Variants in LIPG observed in about 807,000 individuals in gnomAD.
LIPG encodes endothelial lipase.
Under a neutral mutation model 51.8 loss-of-function variants are expected in LIPG, and 34 were observed. That is an observed-to-expected ratio of 0.66 (90% CI 0.50 to 0.87). The LOEUF (loss-of-function observed/expected upper bound fraction) is 0.87. LIPG is among the 40% of genes least tolerant of loss of function. LIPG has a pLI of 0.00. For synonymous variants in LIPG, 246 were observed against 246.1 expected, an observed-to-expected ratio of 1.00 and a Z score of 0.00; for missense variants, 580 against 652.7, an observed-to-expected ratio of 0.89 and a Z score of 1.21.
rs777778928 is a variant in LIPG at position 49,593,553 on chromosome 18, G to T, written c.*3031G>T. On this transcript the variant is annotated 3_prime_UTR_variant, in exon 10 of 10. Coordinates refer to ENST00000261292, the MANE Select transcript of LIPG (RefSeq NM_006033.4). ...CAGTGACTTAGACCAGAGGGAAGCT[G>T]ATTTCTCTATTGGTTAAAGTCCCAG... 6.6e-6 allele frequency: 1 copy of T among 151,236 alleles called. No homozygotes were observed. The highest frequency in any genetic ancestry group is 1.5e-5 in the Non-Finnish European group (1 of 67,798). 9.4% of individuals were successfully genotyped at this position (151,236 alleles called of 1,614,324 possible).
At chr18:49,581,256 C>T (rs769310026) in intron 5 of LIPG, among the ~76,000 whole-genome samples, 159 bp from the exon 6 acceptor site, 11 of 152,134 alleles carry the variant, frequency 7.2e-5, no homozygotes, top group Admixed American at 4.6e-4. Flanking sequence ...AAGAGTGAGA[C>T]CTTGTCTCAA....
At chr18:49,575,925 A>G (rs1235554327) in intron 5 of LIPG, among the ~76,000 whole-genome samples, 2 of 145,494 alleles carry the variant, frequency 1.4e-5, no homozygotes, top group African/African-American at 2.6e-5. Context: ...TGCAACCTCC[A>G]CCTCCCTGGT....
At position 49,585,147 on chromosome 18, in the gene LIPG, C is replaced by T. The variant is rs576164681; in HGVS notation, c.1376+1373C>T. ...CACAATCTTGGCTCACTGCAAACTC[C>T]GCCTCCCGGATTCAAGTGATTCTCC... is the stretch of plus-strand genomic sequence containing the variant. On this transcript the variant is annotated intron_variant, in intron 8 of 9. Transcript: ENST00000261292. Among the ~76,000 whole-genome samples the T allele has an allele frequency of 1.1e-4, 16 of 152,296 alleles. No homozygotes were observed. In the South Asian group the frequency reaches 1.7e-3, roughly 16 times the overall value.
intron 4 of LIPG, among the ~76,000 whole-genome samples, chr18:49,571,904 A>G (rs2084668199): frequency 6.6e-6 from 1 of 152,192 alleles, no homozygotes; most frequent in Non-Finnish European, 1.5e-5. Context: ...GAAAGAGGTC[A>G]TATATTTATA....
chr18:49,589,488 G>A (rs1377482877), intron 9 of LIPG: 1 of 152,296 alleles, frequency 6.6e-6, no homozygotes, highest in East Asian at 1.9e-4. Flanking sequence ...TTGAGACAGG[G>A]TCTTGCTCTG....
In LIPG at chr18:49,583,585, A is replaced by G. The variant is rs77960347; in HGVS notation, c.1187A>G (p.Asn396Ser). Residue 396 changes from asparagine to serine, a missense_variant, in exon 8 of 10, where the codon AAC becomes AGC. Asn to Ser is a conservative substitution (Grantham distance 46). Transcript: ENST00000261292. ...IVERIEQNAT[N>S]TFLVYTEEDL... Reference sequence around the variant, plus strand: ...GAGCGGATCGAGCAGAATGCCACCAACACCTTCCTGGTCTACACCGAGGAG... The same window carrying G: ...GAGCGGATCGAGCAGAATGCCACCAGCACCTTCCTGGTCTACACCGAGGAG... 0.011 allele frequency: 18,187 copies of G among 1,614,042 alleles called. 127 individuals carry two copies. Among genetic ancestry groups the G allele is most frequent in the Middle Eastern group, 0.017 (102 of 6,060 alleles).
intron 5 of LIPG, 128 bp downstream of exon 5, chr18:49,575,718 A>C: frequency 1.4e-5 from 11 of 779,098 alleles, no homozygotes; most frequent in Non-Finnish European, 2.2e-5. Flanking sequence ...GAGGCCTCCA[A>C]TGCTGTATTT....
chr18:49,569,601 T>C lies in LIPG; in HGVS notation c.571+53T>C, dbSNP rs548360544. On this transcript the variant is annotated intron_variant, in intron 4 of 9. Coordinates refer to ENST00000261292, the MANE Select transcript of LIPG (RefSeq NM_006033.4). ...CTCCCTCAGCTGCGCTAAGCCGGAATGCTCCCAAATGAGGCAGCAGAGTGA... is the reference window on the plus strand; with the variant it reads ...CTCCCTCAGCTGCGCTAAGCCGGAACGCTCCCAAATGAGGCAGCAGAGTGA... The C allele has an allele frequency of 1.0e-3, 1,409 of 1,372,684 alleles. 1 individual carries two copies. Among genetic ancestry groups the C allele is most frequent in the South Asian group, 1.5e-3 (125 of 83,902 alleles). 85.0% of individuals were successfully genotyped at this position (1,372,684 alleles called of 1,614,324 possible). A position where few individuals can be genotyped will look rare whatever the true frequency, so the allele number is the denominator to read the frequency against.
rs1248189762 is a variant in LIPG, at chr18:49,575,417, G to A, written c.620G>A (p.Arg207Lys). The A allele has an allele frequency of 1.2e-6, 2 of 1,613,878 alleles. No homozygotes were observed. Among genetic ancestry groups the A allele is most frequent in the Admixed American group, 1.7e-5 (1 of 60,026 alleles). ...TTTGAAGGGGCCGACATCCACAAGAGGCTCTCTCCGGACGATGCAGATTTT... is the reference window on the plus strand; with the variant it reads ...TTTGAAGGGGCCGACATCCACAAGAAGCTCTCTCCGGACGATGCAGATTTT... ...PMFEGADIHK[R>K]LSPDDADFVD... Residue 207 changes from arginine (R) to lysine (K), a missense_variant, in exon 5 of 10, where the codon AGG becomes AAG. Coordinates refer to ENST00000261292, the MANE Select transcript of LIPG (RefSeq NM_006033.4).
rs2143986033 is a variant in LIPG at position 49,591,204 on chromosome 18, G to C, written c.*682G>C. On this transcript the variant is annotated 3_prime_UTR_variant, in exon 10 of 10. Transcript: ENST00000261292. ...GACATATTACTGAGCCTCTCCATTT[G>C]GAACCCAGTGGAGTTGGGATTTCTA... The C allele has an allele frequency of 6.4e-6, 1 of 156,344 alleles. No individual in the cohort carries two copies. The highest frequency in any genetic ancestry group is 2.0e-4 in the South Asian group (1 of 5,098). 9.7% of individuals were successfully genotyped at this position (156,344 alleles called of 1,614,324 possible).
chr18:49,589,566 G>T (rs1386610655), intron 9 of LIPG: 1 of 152,422 alleles, frequency 6.6e-6, no homozygotes, highest in Non-Finnish European at 1.5e-5. Flanking sequence ...GGGCTCAGAT[G>T]ATCTTCCTAC....
chr18:49,562,116 G>C lies in LIPG; in HGVS notation c.-193G>C. ...GAGGGCAGATCTCGTTCTGGGGCAAGCCGTTGACACTCGCTCCCTGCCACC... is the reference window on the plus strand; with the variant it reads ...GAGGGCAGATCTCGTTCTGGGGCAACCCGTTGACACTCGCTCCCTGCCACC... On this transcript the variant is annotated 5_prime_UTR_variant, in exon 1 of 10. Transcript: ENST00000261292. 2 of 1,456,126 alleles carry C rather than the reference G, an allele frequency of 1.4e-6. No homozygotes were observed. The highest frequency in any genetic ancestry group is 1.4e-5 in the African/African-American group (1 of 70,386). 90.2% of individuals were successfully genotyped at this position (1,456,126 alleles called of 1,614,324 possible). A position where few individuals can be genotyped will look rare whatever the true frequency, so the allele number is the denominator to read the frequency against.
At chr18:49,578,143 G>C (rs1463776803) in intron 5 of LIPG, among the ~76,000 whole-genome samples, 2 of 144,042 alleles carry the variant, frequency 1.4e-5, no homozygotes, top group Non-Finnish European at 3.1e-5. Context: ...CCTCCCTCCC[G>C]GACGGGGTGG....
chr18:49,579,759 CTTTCCTTTCT>C (rs1304145844), intron 5 of LIPG, among the ~76,000 whole-genome samples: 37 of 109,576 alleles, frequency 3.4e-4, no homozygotes, highest in East Asian at 1.8e-3. Context: ...CTTTCCTTTC[CTTTCCTTTCT>C]TTTCTTTTCT....
chr18:49,570,017 C>T (rs752613320), intron 4 of LIPG, among the ~76,000 whole-genome samples: 13 of 152,206 alleles, frequency 8.5e-5, no homozygotes, highest in African/African-American at 1.2e-4. Context: ...TGGGTGTTCC[C>T]TTCAGGTCTC....
chr18:49,566,127 C>A (rs1243443089), intron 2 of LIPG, among the ~76,000 whole-genome samples: 2 of 152,068 alleles, frequency 1.3e-5, no homozygotes, highest in Non-Finnish European at 2.9e-5. Flanking sequence ...ATTAAGTGAG[C>A]AGATTTCTGC....
intron 5 of LIPG, among the ~76,000 whole-genome samples, chr18:49,576,248 A>C (rs1600553183): frequency 6.7e-6 from 1 of 149,776 alleles, no homozygotes; most frequent in Non-Finnish European, 1.5e-5. Context: ...CCCTACTTCC[A>C]CTCTTCAGAT....
At position 49,590,489 on chromosome 18, in the gene LIPG, G is replaced by A. The variant is rs780860068; in HGVS notation, c.1482-12G>A. ...GAGCTAACAAATGCCACTCTCACACGGTTTCTTTCAGTCCCACTGTGGAGC... is the reference window on the plus strand; with the variant it reads ...GAGCTAACAAATGCCACTCTCACACAGTTTCTTTCAGTCCCACTGTGGAGC... On this transcript the variant is annotated splice_polypyrimidine_tract_variant and intron_variant, in intron 9 of 9. Transcript: ENST00000261292. The A allele has an allele frequency of 9.4e-6, 15 of 1,600,704 alleles. No individual in the cohort carries two copies. Among genetic ancestry groups the A allele is most frequent in the East Asian group, 2.2e-5 (1 of 44,612 alleles).
chr18:49,595,698 C>T lies in LIPG; in HGVS notation c.*5176C>T, dbSNP rs942502895. On this transcript the variant is annotated 3_prime_UTR_variant, in exon 10 of 10. Transcript: ENST00000261292. ...CAAAAATTAGCTGGGCGTGGTGGCA[C>T]GTGCCTGTAGTCCCAGCTACGCCGG... The T allele has an allele frequency of 2.6e-5, 4 of 152,140 alleles. No individual in the cohort carries two copies. The highest frequency in any genetic ancestry group is 2.1e-4 in the South Asian group (1 of 4,826). 9.4% of individuals were successfully genotyped at this position (152,140 alleles called of 1,614,324 possible).
Sources: gnomAD v4.1 joint callset for allele counts (sites outside exome capture counted in the v4.1 genomes callset) on GRCh38, gnomAD v4.1.1 for gene constraint, MANE v1.5 for transcripts, NCBI Gene and HGNC (gene_info 2026-07-23, HGNC 2026-07-21) for gene names.